Variants in ADAMTS19 observed in about 807,000 individuals in gnomAD.
ADAMTS19 encodes ADAM metallopeptidase with thrombospondin type 1 motif 19.
Under a neutral mutation model 153.3 loss-of-function variants are expected in ADAMTS19, and 93 were observed. The observed-to-expected ratio is 0.61, with a 90% CI of 0.51 to 0.72. ADAMTS19 has a LOEUF of 0.72. Ranked by LOEUF, ADAMTS19 falls within the 30% of genes least tolerant of loss-of-function variation. The pLI is 0.00. For synonymous variants in ADAMTS19, 600 were observed against 556.6 expected (o/e 1.08, Z -1.10); for missense variants, 1,482 against 1,552.1 (o/e 0.95, Z 0.76).
At chr5:129,707,383 G>C in intron 21 of ADAMTS19, among the ~76,000 whole-genome samples, 1 of 152,156 alleles carries the variant, frequency 6.6e-6, no homozygotes, top group African/African-American at 2.4e-5. Flanking sequence ...GACTTTATAT[G>C]AATATAAGTG....
chr5:129,465,056 A>G (rs1177837310), intron 2 of ADAMTS19, among the ~76,000 whole-genome samples: 1 of 152,208 alleles, frequency 6.6e-6, no homozygotes, highest in African/African-American at 2.4e-5. Flanking sequence ...GGGAAATACA[A>G]TAGGTTGAGA....
chr5:129,639,056 G>A (rs1433325232), intron 10 of ADAMTS19, among the ~76,000 whole-genome samples: 2 of 152,200 alleles, frequency 1.3e-5, no homozygotes, highest in East Asian at 1.9e-4. Flanking sequence ...ATTAGTTTGC[G>A]AGAAAATGCT....
chr5:129,691,051 T>C (rs1755311440), intron 18 of ADAMTS19, among the ~76,000 whole-genome samples: 2 of 152,140 alleles, frequency 1.3e-5, no homozygotes, highest in African/African-American at 4.8e-5. Flanking sequence ...TTAGTTTTAT[T>C]TTGAAATATC....
At chr5:129,689,028 A>G (rs1167787281) in intron 18 of ADAMTS19, among the ~76,000 whole-genome samples, 1 of 152,238 alleles carries the variant, frequency 6.6e-6, no homozygotes, top group Non-Finnish European at 1.5e-5. Context: ...GTATGGAATC[A>G]GCATTAACTG....
At chr5:129,512,805 A>G (rs992368957) in intron 3 of ADAMTS19, among the ~76,000 whole-genome samples, 2 of 151,992 alleles carry the variant, frequency 1.3e-5, no homozygotes, top group African/African-American at 2.4e-5. Context: ...TTTATAAACT[A>G]TCCTCCTTTT....
chr5:129,505,365 G>A (rs1477523377), intron 2 of ADAMTS19, among the ~76,000 whole-genome samples: 6 of 152,050 alleles, frequency 3.9e-5, no homozygotes, highest in African/African-American at 1.4e-4. Flanking sequence ...GTGTTATATT[G>A]CTTTCTGTTC....
intron 21 of ADAMTS19, among the ~76,000 whole-genome samples, chr5:129,725,441 T>C (rs1757168385): frequency 6.6e-6 from 1 of 152,076 alleles, no homozygotes; most frequent in Non-Finnish European, 1.5e-5. Flanking sequence ...AAGGTGCTCT[T>C]CTCTTACTAG....
intron 18 of ADAMTS19, among the ~76,000 whole-genome samples, chr5:129,693,115 A>G (rs1315916699): frequency 6.6e-6 from 1 of 152,232 alleles, no homozygotes; most frequent in African/African-American, 2.4e-5. Flanking sequence ...TTATGTTTTT[A>G]TACTACAAAT....
chr5:129,676,783 ATTCT>A (rs1211903413), intron 16 of ADAMTS19, among the ~76,000 whole-genome samples: 1 of 152,202 alleles, frequency 6.6e-6, no homozygotes, highest in Admixed American at 6.5e-5. Context: ...TAAAGTATTG[ATTCT>A]TTATGTGAGG....
chr5:129,475,935 T>A (rs115313528), intron 2 of ADAMTS19, among the ~76,000 whole-genome samples: 1,600 of 152,346 alleles, frequency 0.011, 24 homozygotes, highest in African/African-American at 0.037. Context: ...TGGACTTTGA[T>A]AGGAGGGTTT....
chr5:129,701,202 C>T (rs1335539328), intron 19 of ADAMTS19, among the ~76,000 whole-genome samples, 186 bp from the exon 20 acceptor site: 1 of 151,174 alleles, frequency 6.6e-6, no homozygotes, highest in Non-Finnish European at 1.5e-5. Flanking sequence ...TGTCTTGCTC[C>T]TCCCTGTCTT....
At chr5:129,536,168 A>G (rs1752413890) in intron 6 of ADAMTS19, among the ~76,000 whole-genome samples, 1 of 152,362 alleles carries the variant, frequency 6.6e-6, no homozygotes, top group Admixed American at 6.5e-5. Flanking sequence ...CTCATCTGAC[A>G]AAGGGCTAAT....
At chr5:129,505,822 A>G (rs1286050153) in intron 2 of ADAMTS19, among the ~76,000 whole-genome samples, 1 of 152,162 alleles carries the variant, frequency 6.6e-6, no homozygotes, top group African/African-American at 2.4e-5. Flanking sequence ...GTTAAACCTT[A>G]TTTTACATCC....
In ADAMTS19 at chr5:129,563,484, G is replaced by C. The variant is rs542702092; in HGVS notation, c.1372+11577G>C. On this transcript the variant is annotated intron_variant, in intron 7 of 22. Coordinates refer to ENST00000274487, the MANE Select transcript of ADAMTS19 (RefSeq NM_133638.6). ...TCAAGGGAGTTCCAATGCATTCATT[G>C]GGGATTTATATATTCAAAGTCCAAT... Among the ~76,000 whole-genome samples the C allele has an allele frequency of 3.9e-5, 6 of 152,214 alleles. No individual in the cohort carries two copies. The South Asian group carries it at 1.2e-3, about 32-fold the overall frequency.
chr5:129,632,273 TGGA>T (rs1204705636), intron 10 of ADAMTS19, among the ~76,000 whole-genome samples: 1 of 152,114 alleles, frequency 6.6e-6, no homozygotes, highest in Non-Finnish European at 1.5e-5. Flanking sequence ...CTATTTCATT[TGGA>T]ATTATTGGAA....
intron 17 of ADAMTS19, among the ~76,000 whole-genome samples, chr5:129,683,089 A>T (rs1191648625): frequency 6.6e-6 from 1 of 152,014 alleles, no homozygotes; most frequent in African/African-American, 2.4e-5. Context: ...AATGTATCAT[A>T]TTATATTATA....
chr5:129,665,298 G>C (rs1275138968), intron 15 of ADAMTS19, among the ~76,000 whole-genome samples: 1 of 150,896 alleles, frequency 6.6e-6, no homozygotes, highest in Non-Finnish European at 1.5e-5. Context: ...TTTGTCCTCC[G>C]TAGTGCTGTA....
intron 20 of ADAMTS19, 35 bp downstream of exon 20, chr5:129,701,627 C>T (rs373080814): frequency 6.2e-7 from 1 of 1,606,246 alleles, no homozygotes; most frequent in East Asian, 2.2e-5. Context: ...CCCATTCCTA[C>T]TCTGACTCCT....
At chr5:129,576,262 A>T (rs546866569) in intron 7 of ADAMTS19, among the ~76,000 whole-genome samples, 2 of 152,120 alleles carry the variant, frequency 1.3e-5, no homozygotes, top group South Asian at 2.1e-4. Flanking sequence ...CTTTTTCTCT[A>T]AACATTTACT....
Sources: allele counts gnomAD v4.1 joint callset (sites outside exome capture counted in the v4.1 genomes callset), GRCh38; gene constraint gnomAD v4.1.1; transcripts MANE v1.5; gene names NCBI Gene and HGNC (gene_info 2026-07-23, HGNC 2026-07-21).